Variants in TRIP11 observed in about 807,000 individuals in gnomAD.
The protein encoded by TRIP11 is thyroid hormone receptor interactor 11, also known as thyroid receptor-interacting protein 11.
A neutral mutation model predicts 223.1 loss-of-function variants in TRIP11; 148 were observed. That is an observed-to-expected ratio of 0.66 (90% CI 0.58 to 0.76). The LOEUF (loss-of-function observed/expected upper bound fraction) is 0.76, where lower values mean the gene tolerates loss of function less well. Ranked by LOEUF, TRIP11 falls within the 30% of genes least tolerant of loss-of-function variation. The pLI, the probability that TRIP11 is intolerant of heterozygous loss-of-function variation, is 0.00. For synonymous variants in TRIP11, 762 were observed against 772.6 expected, an observed-to-expected ratio of 0.99 and a Z score of 0.23; for missense variants, 2,043 against 2,222.0, an observed-to-expected ratio of 0.92 and a Z score of 1.62.
intron 16 of TRIP11, among the ~76,000 whole-genome samples, chr14:91,979,417 C>T (rs946357202): frequency 7.9e-5 from 12 of 152,166 alleles, no homozygotes; most frequent in South Asian, 4.2e-4. Context: ...AATCAAACTG[C>T]GTAGAAGTCC....
chr14:92,025,517 C>CA, intron 2 of TRIP11, 97 bp from the exon 3 acceptor site: 1 of 782,120 alleles, frequency 1.3e-6, no homozygotes, highest in Non-Finnish European at 2.1e-6. Context: ...TTTCCCCCCC[C>CA]AAAAATGTCA....
rs1414621861 is a variant in TRIP11, at chr14:92,007,868, G to A, written c.1315-16C>T. On this transcript the variant is annotated splice_polypyrimidine_tract_variant and intron_variant, in intron 9 of 20. Coordinates refer to ENST00000267622, the MANE Select transcript of TRIP11 (RefSeq NM_004239.4). Reference sequence around the variant, plus strand: ...GAAGTTCTTCCTGAAATGATAAAAGGAAAAAAGCAACACATACTTTCAATT... The same window carrying A: ...GAAGTTCTTCCTGAAATGATAAAAGAAAAAAAGCAACACATACTTTCAATT... The A allele has an allele frequency of 6.3e-7, 1 of 1,583,294 alleles. No individual in the cohort carries two copies. Among genetic ancestry groups the A allele is most frequent in the African/African-American group, 1.3e-5 (1 of 74,412 alleles).
intron 3 of TRIP11, among the ~76,000 whole-genome samples, chr14:92,024,970 A>G (rs1941507359): frequency 6.6e-6 from 1 of 152,208 alleles, no homozygotes; most frequent in African/African-American, 2.4e-5. Flanking sequence ...TGGAAAATCA[A>G]GCACATGCCA....
Position 91,966,402 on chromosome 14 carries a change from T to C in TRIP11, c.*3271A>G, listed in dbSNP as rs1002300611. On this transcript the variant is annotated 3_prime_UTR_variant, in exon 21 of 21. Coordinates refer to ENST00000267622, the MANE Select transcript of TRIP11 (RefSeq NM_004239.4). ...TGTGGATGGAAGATGTCTTGAATAC[T>C]TCAATATGTGGAAAACTTCATTATC... 5.3e-6 allele frequency: 1 copy of C among 186,936 alleles called. No homozygotes were observed. The highest frequency in any genetic ancestry group is 8.7e-5 in the East Asian group (1 of 11,516). The allele number at this position is 186,936 out of a possible 1,614,324, so 11.6% of individuals were successfully genotyped here.
intron 2 of TRIP11, among the ~76,000 whole-genome samples, chr14:92,027,325 AC>A (rs1254160413): frequency 2.6e-5 from 4 of 151,784 alleles, no homozygotes; most frequent in African/African-American, 9.7e-5. Flanking sequence ...AAAAGCAAAA[AC>A]GACAACAGAA....
intron 5 of TRIP11, 85 bp downstream of exon 5, chr14:92,017,597 T>C (rs1416096842): frequency 2.9e-6 from 3 of 1,032,666 alleles, no homozygotes; most frequent in Non-Finnish European, 4.4e-6. Flanking sequence ...CTTTTATAAC[T>C]GAGACTTTTA....
At position 91,967,419 on chromosome 14, in the gene TRIP11, G is replaced by T. The variant is rs1480388532; in HGVS notation, c.*2254C>A. 5.5e-6 allele frequency: 1 copy of T among 182,288 alleles called. No individual in the cohort carries two copies. Among genetic ancestry groups the T allele is most frequent in the Non-Finnish European group, 1.2e-5 (1 of 85,726 alleles). 11.3% of individuals were successfully genotyped at this position (182,288 alleles called of 1,614,324 possible). ...CTCCCAAAGTTCTGGGATTACAGGC[G>T]TGAGCCACTGTGCCCGGCCAGTATT... On this transcript the variant is annotated 3_prime_UTR_variant, in exon 21 of 21. Coordinates refer to ENST00000267622, the MANE Select transcript of TRIP11 (RefSeq NM_004239.4).
At position 91,966,666 on chromosome 14, in the gene TRIP11, A is replaced by C. The variant is rs1315705513; in HGVS notation, c.*3007T>G. The C allele has an allele frequency of 4.7e-6, 1 of 214,720 alleles. No homozygotes were observed. Among genetic ancestry groups the C allele is most frequent in the Non-Finnish European group, 9.4e-6 (1 of 106,440 alleles). The allele number at this position is 214,720 out of a possible 1,614,324, so 13.3% of individuals were successfully genotyped here. On this transcript the variant is annotated 3_prime_UTR_variant, in exon 21 of 21. Transcript: ENST00000267622. ...GTTGGAAAGAAGCCATTCTTTTCCT[A>C]GGGTTTTGTTGTTTAGTTTTGTTTC... is the stretch of plus-strand genomic sequence containing the variant.
chr14:91,981,941 C>T (rs1339304815), intron 16 of TRIP11, among the ~76,000 whole-genome samples: 4 of 149,724 alleles, frequency 2.7e-5, no homozygotes, highest in Admixed American at 6.6e-5. Flanking sequence ...ATAGACAAAC[C>T]GTCTCCACAA....
In TRIP11 at chr14:92,003,570, A is replaced by G; in HGVS notation, c.4406T>C (p.Val1469Ala). 1 of 1,613,904 alleles carries G rather than the reference A, an allele frequency of 6.2e-7. No individual in the cohort carries two copies. The highest frequency in any genetic ancestry group is 8.5e-7 in the Non-Finnish European group (1 of 1,179,968). Residue 1469 changes from valine to alanine, a missense_variant, in exon 11 of 21, where the codon GTG becomes GCG. Coordinates refer to ENST00000267622, the MANE Select transcript of TRIP11 (RefSeq NM_004239.4). Reference protein sequence around the residue: ...GKLKGENEKIVETYRGKETEY... With the variant: ...GKLKGENEKIAETYRGKETEY... ...TGTTTCCTTTCCCCTGTATGTTTCC[A>G]CTATTTTTTCATTTTCTCCTTTTAG...
In TRIP11 at chr14:92,004,674, A is replaced by G. The variant is rs755155716; in HGVS notation, c.3302T>C (p.Val1101Ala). 5 of 1,614,146 alleles carry G rather than the reference A, an allele frequency of 3.1e-6. No individual in the cohort carries two copies. In the South Asian group the frequency reaches 3.3e-5, roughly 11 times the overall value. The change falls in exon 11 of 21, where the codon GTA becomes GCA. Residue 1101 changes from valine to alanine, a missense_variant. Coordinates refer to ENST00000267622, the MANE Select transcript of TRIP11 (RefSeq NM_004239.4). ...LQAYAMEREK[V>A]FAVLNEKTRE... The stretch of plus-strand genomic sequence containing the variant: ...AGTCTTCTCATTCAAAACAGCAAAT[A>G]CCTTTTCTCTTTCCATAGCATAAGC...
chr14:92,020,751 T>C (rs1344548513), intron 4 of TRIP11, among the ~76,000 whole-genome samples: 1 of 151,756 alleles, frequency 6.6e-6, no homozygotes, highest in East Asian at 1.9e-4. Flanking sequence ...GAGAGAAAGA[T>C]GACAGGACCA....
rs965663488 is a variant in TRIP11 at position 91,966,445 on chromosome 14, A to G, written c.*3228T>C. ...TCATTATCTTTAAATATCAGGTCCA[A>G]ATGCTTTTAAGTTTGATGGATAATA... is the stretch of plus-strand genomic sequence containing the variant. On this transcript the variant is annotated 3_prime_UTR_variant, in exon 21 of 21. Transcript: ENST00000267622. 3 of 191,644 alleles carry G rather than the reference A, an allele frequency of 1.6e-5. No individual in the cohort carries two copies. The highest frequency in any genetic ancestry group is 1.2e-4 in the Admixed American group (2 of 16,344). The allele number at this position is 191,644 out of a possible 1,614,324, so 11.9% of individuals were successfully genotyped here.
chr14:92,014,068 A>G, intron 7 of TRIP11, 147 bp downstream of exon 7: 1 of 1,186,512 alleles, frequency 8.4e-7, no homozygotes, highest in African/African-American at 1.5e-5. Flanking sequence ...ACTGAATCCA[A>G]ACCACACAAT....
intron 15 of TRIP11, among the ~76,000 whole-genome samples, chr14:91,988,941 T>C (rs377266824): frequency 7.2e-5 from 11 of 152,354 alleles, no homozygotes; most frequent in Admixed American, 5.2e-4. Flanking sequence ...ATAGCAGATA[T>C]GAAGCTTTTT....
chr14:92,039,797 G>T lies in TRIP11; in HGVS notation c.-112C>A. On this transcript the variant is annotated 5_prime_UTR_variant, in exon 1 of 21. Coordinates refer to ENST00000267622, the MANE Select transcript of TRIP11 (RefSeq NM_004239.4). ...CGCCTGCCTTCGCGAGACAGGATAC[G>T]ATAACACAAAGCTGGGTTCTCAGGC... 1.3e-6 allele frequency: 2 copies of T among 1,547,186 alleles called. No homozygotes were observed. The highest frequency in any genetic ancestry group is 1.7e-6 in the Non-Finnish European group (2 of 1,145,086).
Position 92,021,615 on chromosome 14 carries a change from G to A in TRIP11, c.529C>T (p.Leu177Phe). 6.2e-7 allele frequency: 1 copy of A among 1,614,162 alleles called. No homozygotes were observed. Among genetic ancestry groups the A allele is most frequent in the Non-Finnish European group, 8.5e-7 (1 of 1,180,030 alleles). ...TCAAGTCTTGAAACTTCATTTGAGA[G>A]TCGGTTTATTTCTTGTTGGGATGAA... ...IISSQQEINRLSNEVSRLESE... is the reference protein window; with the variant it reads ...IISSQQEINRFSNEVSRLESE... Residue 177 changes from leucine to phenylalanine, a missense_variant, in exon 4 of 21, where the codon CTC (leucine) becomes TTC (phenylalanine). Physicochemically the swap from Leu to Phe is conservative, Grantham distance 22. Transcript: ENST00000267622.
chr14:92,038,281 G>A (rs1487576871), intron 1 of TRIP11, among the ~76,000 whole-genome samples: 1 of 152,044 alleles, frequency 6.6e-6, no homozygotes, highest in Non-Finnish European at 1.5e-5. Flanking sequence ...TCTGGCTTAG[G>A]GTCTAAGGAA....
chr14:92,018,828 G>A (rs1428422435), intron 4 of TRIP11, among the ~76,000 whole-genome samples: 2 of 151,612 alleles, frequency 1.3e-5, no homozygotes, highest in East Asian at 3.9e-4. Context: ...GGGAGTGGTG[G>A]CGGGTGCCCG....
Sources: allele counts gnomAD v4.1 joint callset (sites outside exome capture counted in the v4.1 genomes callset), GRCh38; gene constraint gnomAD v4.1.1; transcripts MANE v1.5; gene names NCBI Gene and HGNC (gene_info 2026-07-23, HGNC 2026-07-21).